The following NUDC variants were observed in gnomAD, a reference collection of about 807,000 sequenced individuals.
The protein encoded by NUDC is nuclear distribution C, dynein complex regulator, also known as nuclear migration protein nudC.
NUDC carries 14 observed loss-of-function variants against 45.0 expected under a neutral mutation model. The ratio of observed to expected loss-of-function variants is 0.31; its 90% CI spans 0.21 to 0.49. NUDC has a LOEUF of 0.49. Ranked by LOEUF, NUDC falls within the 20% of genes least tolerant of loss-of-function variation. NUDC has a pLI of 0.99. For synonymous variants in NUDC, 153 were observed against 156.7 expected (o/e 0.98, Z 0.17); for missense variants, 323 against 426.2 (o/e 0.76, Z 2.13).
At chr1:26,900,883 G>A (rs1044606929) in intron 1 of NUDC, among the ~76,000 whole-genome samples, 2 of 152,166 alleles carry the variant, frequency 1.3e-5, no homozygotes, top group Non-Finnish European at 1.5e-5. Context: ...CTTCGCAAAA[G>A]AGGAAACACG....
chr1:26,944,758 C>T (rs2082305626), intron 6 of NUDC, among the ~76,000 whole-genome samples: 1 of 150,660 alleles, frequency 6.6e-6, no homozygotes, highest in Non-Finnish European at 1.5e-5. Context: ...GCTGACTGCA[C>T]CACTGCACAT....
At chr1:26,902,012 T>C (rs1233211532) in intron 1 of NUDC, among the ~76,000 whole-genome samples, 4 of 152,310 alleles carry the variant, frequency 2.6e-5, no homozygotes, top group Admixed American at 1.3e-4. Flanking sequence ...ATTGATAATG[T>C]TGACTTTTAC....
At chr1:26,939,033 C>T (rs1208467995) in intron 2 of NUDC, among the ~76,000 whole-genome samples, 3 of 152,186 alleles carry the variant, frequency 2.0e-5, no homozygotes, top group East Asian at 1.9e-4. Flanking sequence ...CAGGGTCTCC[C>T]TCTGTTACCC....
Position 26,942,921 on chromosome 1 carries a change from G to A in NUDC, c.597G>A (p.Val199=), listed in dbSNP as rs747001801. The A allele has an allele frequency of 6.2e-7, 1 of 1,614,010 alleles. No homozygotes were observed. Among genetic ancestry groups the A allele is most frequent in the East Asian group, 2.2e-5 (1 of 44,890 alleles). The change falls in exon 6 of 9, where the codon GTG becomes GTA. Residue 199 remains valine, a synonymous_variant. Transcript: ENST00000321265. ...TCCGGCTGAAAGGGAAGGACATGGT[G>A]GTGGACATCCAGCGGCGGCACCTCC... ...VNFRLKGKDM[V]VDIQRRHLRV...
At chr1:26,927,609 G>T (rs1265304017) in intron 2 of NUDC, among the ~76,000 whole-genome samples, 3 of 151,724 alleles carry the variant, frequency 2.0e-5, no homozygotes, top group Admixed American at 6.6e-5. Flanking sequence ...TGTTGGTCAG[G>T]TTGGTCTCGA....
intron 2 of NUDC, among the ~76,000 whole-genome samples, chr1:26,934,147 G>A (rs113280370): frequency 1.3e-5 from 2 of 152,184 alleles, no homozygotes; most frequent in African/African-American, 2.4e-5. Context: ...GCGAGACTCC[G>A]TCTCAAAGAA....
chr1:26,946,451 G>A lies in NUDC; in HGVS notation c.*270G>A. 2.0e-6 allele frequency: 1 copy of A among 495,640 alleles called. No individual in the cohort carries two copies. The highest frequency in any genetic ancestry group is 3.7e-6 in the Non-Finnish European group (1 of 271,592). The allele number at this position is 495,640 out of a possible 1,614,324, so 30.7% of individuals were successfully genotyped here. A position where few individuals can be genotyped will look rare whatever the true frequency, so the allele number is the denominator to read the frequency against. Reference sequence around the variant, plus strand: ...TTCTCTGGGGCACAGGCCTCTTACGGCTGCTGCTGGGAACTGGGAGTTTGG... The same window carrying A: ...TTCTCTGGGGCACAGGCCTCTTACGACTGCTGCTGGGAACTGGGAGTTTGG... On this transcript the variant is annotated 3_prime_UTR_variant, in exon 9 of 9. Transcript: ENST00000321265.
At chr1:26,920,499 G>A (rs1043478374), upstream of NUDC, among the ~76,000 whole-genome samples, 2 of 151,464 alleles carry the variant, frequency 1.3e-5, no homozygotes, top group African/African-American at 2.4e-5. Context: ...AAGAAGAATA[G>A]ATAGACTAGA....
At chr1:26,936,672 AAC>A (rs1276551434) in intron 2 of NUDC, among the ~76,000 whole-genome samples, 1 of 152,112 alleles carries the variant, frequency 6.6e-6, no homozygotes, top group African/African-American at 2.4e-5. Flanking sequence ...TAAAAAATAA[AAC>A]ACAAGAGACC....
At chr1:26,927,800 G>A (rs1175535173) in intron 2 of NUDC, among the ~76,000 whole-genome samples, 3 of 152,000 alleles carry the variant, frequency 2.0e-5, no homozygotes, top group Non-Finnish European at 4.4e-5. Context: ...ATCCCTTGGG[G>A]CCACATGTGT....
At chr1:26,927,250 G>A (rs2082140585) in intron 2 of NUDC, among the ~76,000 whole-genome samples, 1 of 94,362 alleles carries the variant, frequency 1.1e-5, no homozygotes, top group Non-Finnish European at 2.2e-5. Flanking sequence ...CTGTAAGAAG[G>A]GAGAGAGATG....
chr1:26,917,973 TACACAC>T (rs113458577), upstream of NUDC, among the ~76,000 whole-genome samples: 384 of 147,528 alleles, frequency 2.6e-3, no homozygotes, highest in Non-Finnish European at 4.0e-3. Flanking sequence ...AATGAATGTG[TACACAC>T]ACACACACAC....
rs570591317 is a variant in NUDC at position 26,937,777 on chromosome 1, C to T, written c.160-3680C>T. ...AAGCAATCCCCCTGCCTCAGTCTCT[C>T]GAGTAGCTGGAACTACAGGTACCAC... On this transcript the variant is annotated intron_variant, in intron 2 of 8. Coordinates refer to ENST00000321265, the MANE Select transcript of NUDC (RefSeq NM_006600.4). 9.3e-4 allele frequency among the ~76,000 whole-genome samples: 141 copies of T among 152,008 alleles called. 1 individual carries two copies. The highest frequency in any genetic ancestry group is 3.1e-3 in the African/African-American group (127 of 41,488).
intron 2 of NUDC, among the ~76,000 whole-genome samples, chr1:26,927,302 T>TGTGC (rs1553163148): frequency 1.3e-5 from 2 of 151,452 alleles, no homozygotes; most frequent in Admixed American, 6.6e-5. Context: ...TGTGTGTGTG[T>TGTGC]GTCAGGGTCT....
intron 2 of NUDC, among the ~76,000 whole-genome samples, chr1:26,904,422 A>G (rs546820578): frequency 6.6e-6 from 1 of 152,092 alleles, no homozygotes; most frequent in South Asian, 2.1e-4. Flanking sequence ...CACCCAACTC[A>G]TTATTACACA....
rs949043379 is a variant in NUDC, at chr1:26,941,345, C to A, written c.160-112C>A. 1.9e-5 allele frequency: 20 copies of A among 1,062,812 alleles called. No individual in the cohort carries two copies. The African/African-American group carries it at 2.4e-4, about 13-fold the overall frequency. 65.8% of individuals were successfully genotyped at this position (1,062,812 alleles called of 1,614,324 possible). ...TTTTGCACATGAGGAAACCGAGTTT[C>A]TGGGTGCAGTGCTTTGCCCTTGCAC... is the stretch of plus-strand genomic sequence containing the variant. On this transcript the variant is annotated intron_variant, in intron 2 of 8. Transcript: ENST00000321265.
chr1:26,923,966 G>T, intron 1 of NUDC, 123 bp from the exon 2 acceptor site: 1 of 826,910 alleles, frequency 1.2e-6, no homozygotes, highest in Non-Finnish European at 2.1e-6. Context: ...TCCTCAGTTG[G>T]GAAGCTCAGA....
intron 3 of NUDC, among the ~76,000 whole-genome samples, chr1:26,916,239 T>G (rs553669681): frequency 6.6e-6 from 1 of 151,394 alleles, no homozygotes; most frequent in Non-Finnish European, 1.5e-5. Flanking sequence ...AAAAAAAAAA[T>G]TAGCCAGTGT....
At chr1:26,937,292 TCTCA>T (rs2082242731) in intron 2 of NUDC, among the ~76,000 whole-genome samples, 1 of 152,022 alleles carries the variant, frequency 6.6e-6, no homozygotes, top group Admixed American at 6.6e-5. Flanking sequence ...TGAGACAGGT[TCTCA>T]CTCTCACGCA....
Sources: allele counts gnomAD v4.1 joint callset (sites outside exome capture counted in the v4.1 genomes callset), GRCh38; gene constraint gnomAD v4.1.1; transcripts MANE v1.5; gene names NCBI Gene and HGNC (gene_info 2026-07-23, HGNC 2026-07-21).